The following DNM3 variants were observed in gnomAD, a reference collection of about 807,000 sequenced individuals.
DNM3 encodes dynamin-3.
In DNM3, 47 loss-of-function variants were observed where a neutral mutation model predicts 101.6. That is an observed-to-expected ratio of 0.46 (90% CI 0.37 to 0.59). The LOEUF (loss-of-function observed/expected upper bound fraction) is 0.59, where lower values mean the gene tolerates loss of function less well. DNM3 is among the 20% of genes least tolerant of loss of function. The pLI is 0.00. For missense variants in DNM3, 849 were observed against 1,085.7 expected (o/e 0.78, Z 3.06); for synonymous variants, 385 against 387.9 (o/e 0.99, Z 0.09).
chr1:172,266,814 G>A (rs1158552978), intron 15 of DNM3, among the ~76,000 whole-genome samples: 4 of 152,114 alleles, frequency 2.6e-5, no homozygotes, highest in African/African-American at 7.2e-5. Context: ...AAATAAATCA[G>A]TTTGAGAGTA....
At chr1:172,234,914 C>T (rs2061479351) in intron 14 of DNM3, among the ~76,000 whole-genome samples, 1 of 152,190 alleles carries the variant, frequency 6.6e-6, no homozygotes, top group African/African-American at 2.4e-5. Flanking sequence ...AAAACCTAGG[C>T]AGTACCATTC....
At chr1:172,244,370 A>G (rs1352824680) in intron 14 of DNM3, among the ~76,000 whole-genome samples, 1 of 152,150 alleles carries the variant, frequency 6.6e-6, no homozygotes, top group African/African-American at 2.4e-5. Context: ...TAATTAAACT[A>G]AAGAGCTTCT....
At chr1:171,853,355 C>T (rs1434921145) in intron 1 of DNM3, among the ~76,000 whole-genome samples, 3 of 151,988 alleles carry the variant, frequency 2.0e-5, no homozygotes, top group Non-Finnish European at 4.4e-5. Flanking sequence ...TTTGTAGACA[C>T]AGGGTCTCCC....
At chr1:172,207,243 G>A (rs1253538414) in intron 14 of DNM3, among the ~76,000 whole-genome samples, 3 of 152,022 alleles carry the variant, frequency 2.0e-5, no homozygotes, top group African/African-American at 7.2e-5. Flanking sequence ...GGGTTCCAGT[G>A]TTATATTGAC....
intron 2 of DNM3, among the ~76,000 whole-genome samples, chr1:171,953,239 A>G (rs1293470304): frequency 1.3e-5 from 2 of 152,154 alleles, no homozygotes; most frequent in Non-Finnish European, 2.9e-5. Context: ...CCTACTTATC[A>G]CAAACTTTGC....
At chr1:172,386,401 C>T (rs1382297500) in intron 18 of DNM3, among the ~76,000 whole-genome samples, 1 of 152,202 alleles carries the variant, frequency 6.6e-6, no homozygotes, top group Non-Finnish European at 1.5e-5. Flanking sequence ...CATCCTGCAA[C>T]AAAATGCCCC....
chr1:171,936,790 T>C (rs1244686604), intron 2 of DNM3, among the ~76,000 whole-genome samples: 2 of 40,502 alleles, frequency 4.9e-5, no homozygotes, highest in African/African-American at 1.9e-4. Flanking sequence ...GGAATTGCTA[T>C]AAATAATTAT....
intron 2 of DNM3, among the ~76,000 whole-genome samples, chr1:171,922,153 G>GTA (rs2125325083): frequency 1.5e-5 from 1 of 68,146 alleles, no homozygotes; most frequent in South Asian, 6.0e-4. Flanking sequence ...GTGTGTGTGT[G>GTA]TGCGTATGTG....
chr1:171,907,317 C>T (rs1394319583), intron 1 of DNM3, among the ~76,000 whole-genome samples: 1 of 152,062 alleles, frequency 6.6e-6, no homozygotes, highest in African/African-American at 2.4e-5. Context: ...CATGGAGAAA[C>T]CCCGTCTCTA....
At chr1:172,097,458 A>G (rs1263646320) in intron 13 of DNM3, among the ~76,000 whole-genome samples, 4 of 152,102 alleles carry the variant, frequency 2.6e-5, no homozygotes, top group Non-Finnish European at 5.9e-5. Flanking sequence ...GTTTGTGCTT[A>G]TTGGAGATAT....
At chr1:171,962,501 A>G (rs533848209) in intron 2 of DNM3, among the ~76,000 whole-genome samples, 1 of 152,268 alleles carries the variant, frequency 6.6e-6, no homozygotes, top group African/African-American at 2.4e-5. Flanking sequence ...CAGACTGGGT[A>G]GCTTAAACAA....
At chr1:172,219,336 T>G (rs1291785137) in intron 14 of DNM3, among the ~76,000 whole-genome samples, 1 of 125,304 alleles carries the variant, frequency 8.0e-6, no homozygotes, top group Non-Finnish European at 1.5e-5. Flanking sequence ...CACTGCAGTA[T>G]CACTGCACTC....
intron 16 of DNM3, among the ~76,000 whole-genome samples, chr1:172,322,318 G>C (rs1160513356): frequency 6.6e-6 from 1 of 152,154 alleles, no homozygotes; most frequent in African/African-American, 2.4e-5. Context: ...CTTCCACCCT[G>C]TGTCTCAGCG....
At chr1:171,982,258 G>T (rs1237836225) in intron 2 of DNM3, among the ~76,000 whole-genome samples, 2 of 152,078 alleles carry the variant, frequency 1.3e-5, no homozygotes, top group African/African-American at 4.8e-5. Context: ...GCTATTAAAA[G>T]ATCCAGCTAT....
At chr1:171,963,652 T>C (rs146341412) in intron 2 of DNM3, among the ~76,000 whole-genome samples, 25 of 152,140 alleles carry the variant, frequency 1.6e-4, no homozygotes, top group African/African-American at 6.0e-4. Flanking sequence ...TACTTTCTGG[T>C]CAATTTCTCT....
chr1:171,902,463 T>C (rs949469122), intron 1 of DNM3, among the ~76,000 whole-genome samples: 2 of 152,232 alleles, frequency 1.3e-5, no homozygotes, highest in African/African-American at 2.4e-5. Context: ...AATGTTTTTG[T>C]CTTTTATAAT....
chr1:171,942,130 T>C (rs972536715), intron 2 of DNM3, among the ~76,000 whole-genome samples: 1 of 152,008 alleles, frequency 6.6e-6, no homozygotes, highest in Admixed American at 6.6e-5. Context: ...CTTGGGTATT[T>C]ATTGAGCAAG....
At position 172,410,371 on chromosome 1, in the gene DNM3, C is replaced by T. The variant is rs2071137399; in HGVS notation, c.*2530C>T. The T allele has an allele frequency of 1.0e-6, 1 of 985,102 alleles. No individual in the cohort carries two copies. Among genetic ancestry groups the T allele is most frequent in the East Asian group, 1.1e-4 (1 of 8,822 alleles). 61.0% of individuals were successfully genotyped at this position (985,102 alleles called of 1,614,324 possible). On this transcript the variant is annotated 3_prime_UTR_variant, in exon 21 of 21. Transcript: ENST00000627582. ...CATTTCTAATCTTTTGTGTAATTTT[C>T]TCTTAACTGATTGCTCTGATATTGT...
intron 4 of DNM3, among the ~76,000 whole-genome samples, chr1:172,001,546 T>C (rs1458335849): frequency 1.3e-5 from 2 of 152,062 alleles, no homozygotes; most frequent in Non-Finnish European, 2.9e-5. Flanking sequence ...TAGAGGGCTG[T>C]TCAAAGGCCT....
Sources: gnomAD v4.1 joint callset for allele counts (sites outside exome capture counted in the v4.1 genomes callset) on GRCh38, gnomAD v4.1.1 for gene constraint, MANE v1.5 for transcripts, NCBI Gene and HGNC (gene_info 2026-07-23, HGNC 2026-07-21) for gene names.